KIAA1671: variants seen among roughly 807,000 people sequenced by gnomAD.
KIAA1671 encodes the protein KIAA1671.
A neutral mutation model predicts 131.2 loss-of-function variants in KIAA1671; 52 were observed. That is an observed-to-expected ratio of 0.40 (90% CI 0.32 to 0.50). The LOEUF (loss-of-function observed/expected upper bound fraction) is 0.50, where lower values mean the gene tolerates loss of function less well. Ranked by LOEUF, KIAA1671 falls within the 20% of genes least tolerant of loss-of-function variation. KIAA1671 has a pLI of 0.73. For synonymous variants in KIAA1671, 1,003 were observed against 961.6 expected (o/e 1.04, Z -0.80); for missense variants, 2,360 against 2,364.2 (o/e 1.00, Z 0.04).
chr22:25,045,741 C>T (rs1358684372), intron 5 of KIAA1671, among the ~76,000 whole-genome samples: 2 of 152,010 alleles, frequency 1.3e-5, no homozygotes, highest in Non-Finnish European at 2.9e-5. Flanking sequence ...AGGTGCACAC[C>T]ACCATTCCTG....
chr22:24,977,810 T>G (rs937541394), intron 1 of KIAA1671, among the ~76,000 whole-genome samples: 1 of 152,188 alleles, frequency 6.6e-6, no homozygotes, highest in Admixed American at 6.5e-5. Flanking sequence ...GTCCTCACAG[T>G]TTAATTTCTC....
rs1254688272 is a variant in KIAA1671, at chr22:25,165,017, G to GTGTGTGTC, written c.4531-5798_4531-5797insGTCTGTGT. 1.0e-3 allele frequency among the ~76,000 whole-genome samples: 148 copies of GTGTGTGTC among 147,050 alleles called. 1 individual carries two copies. The East Asian group carries it at 0.022, about 22-fold the overall frequency. ...TGTGTGTGTGTGTGTGTGTGTGTGTGTGTGTCTGTGGTTGATTTTGAGGCC... is the reference window on the plus strand; with the variant it reads ...TGTGTGTGTGTGTGTGTGTGTGTGTGTGTGTGTCTGTGTCTGTGGTTGATTTTGAGGCC... On this transcript the variant is annotated intron_variant, in intron 6 of 12. Coordinates refer to ENST00000358431, the MANE Select transcript of KIAA1671 (RefSeq NM_001145206.2).
Position 25,029,221 on chromosome 22 carries a change from G to A in KIAA1671, c.1222G>A (p.Gly408Arg). Residue 408 changes from glycine (G) to arginine (R), a missense_variant, in exon 3 of 13, where the codon GGA becomes AGA. By Grantham distance (125) the Gly-to-Arg change is moderately radical. This residue lies in a region of KIAA1671 where 1,185 missense variants were observed against 1,126.2 expected (regional missense o/e 1.05). Coordinates refer to ENST00000358431, the MANE Select transcript of KIAA1671 (RefSeq NM_001145206.2). ...KAAESPSPRL[G>R]RGLELAEVKS... ...TGCTGAGTCCCCCTCACCCAGGCTG[G>A]GAAGGGGCCTAGAACTTGCTGAGGT... 1 of 1,462,040 alleles carries A rather than the reference G, an allele frequency of 6.8e-7. No homozygotes were observed. Among genetic ancestry groups the A allele is most frequent in the Non-Finnish European group, 9.1e-7 (1 of 1,103,378 alleles). The allele number at this position is 1,462,040 out of a possible 1,614,324, so 90.6% of individuals were successfully genotyped here.
rs922382667 is a variant in KIAA1671, at chr22:25,028,155, C to A, written c.156C>A (p.Ser52Arg). Residue 52 changes from serine (S) to arginine (R), a missense_variant, in exon 3 of 13, where the codon AGC (serine) becomes AGA (arginine). Physicochemically the swap from Ser to Arg is moderately radical, Grantham distance 110. Transcript: ENST00000358431. ...CAGCCCGGATCTTGGAAGCGAAGAG[C>A]CCCCTGCGGAGCCCGGCCCGGTTAC... ...APPARILEAK[S>R]PLRSPARLLP... The A allele has an allele frequency of 6.4e-7, 1 of 1,550,556 alleles. No individual in the cohort carries two copies. The highest frequency in any genetic ancestry group is 8.7e-7 in the Non-Finnish European group (1 of 1,146,504).
intron 1 of KIAA1671, among the ~76,000 whole-genome samples, chr22:24,956,662 C>G (rs1387143058): frequency 6.6e-6 from 1 of 151,612 alleles, no homozygotes; most frequent in African/African-American, 2.4e-5. Context: ...ATCAGGAGAT[C>G]GAGACCATCC....
chr22:25,028,016 A>G lies in KIAA1671; in HGVS notation c.17A>G (p.Glu6Gly). ...ACCATAACCATGGCCACGCGGGTCG[A>G]GGTGGGCTCCATAACGCCCTTGACG... Reference protein sequence around the residue: MATRVEVGSITPLTAV... With the variant: MATRVGVGSITPLTAV... Residue 6 changes from glutamate to glycine, a missense_variant, in exon 3 of 13, where the codon GAG becomes GGG. Physicochemically the swap from Glu to Gly is moderately conservative, Grantham distance 98. This residue lies in a region of KIAA1671 where 1,185 missense variants were observed against 1,126.2 expected (regional missense o/e 1.05). Coordinates refer to ENST00000358431, the MANE Select transcript of KIAA1671 (RefSeq NM_001145206.2). The G allele has an allele frequency of 6.7e-7, 1 of 1,500,092 alleles. No homozygotes were observed. Among genetic ancestry groups the G allele is most frequent in the Admixed American group, 2.4e-5 (1 of 41,938 alleles). The allele number at this position is 1,500,092 out of a possible 1,614,324, so 92.9% of individuals were successfully genotyped here.
chr22:25,147,637 C>T (rs528844128), intron 6 of KIAA1671, among the ~76,000 whole-genome samples: 5 of 152,288 alleles, frequency 3.3e-5, no homozygotes, highest in African/African-American at 1.2e-4. Flanking sequence ...AGGGACTTCC[C>T]CTGACAGCCA....
chr22:25,113,775 A>T (rs144089217), intron 6 of KIAA1671, among the ~76,000 whole-genome samples: 2 of 152,224 alleles, frequency 1.3e-5, no homozygotes, highest in Non-Finnish European at 2.9e-5. Flanking sequence ...GCTTGGATTT[A>T]TGAGACAGAT....
intron 6 of KIAA1671, among the ~76,000 whole-genome samples, chr22:25,097,707 T>A (rs1200988066): frequency 6.7e-6 from 1 of 150,122 alleles, no homozygotes; most frequent in Non-Finnish European, 1.5e-5. Flanking sequence ...GCCATTGCAC[T>A]CCAGCCTGGG....
Position 25,193,127 on chromosome 22 carries a change from T to C in KIAA1671, c.*726T>C, listed in dbSNP as rs1421033755. ...TTTTCTTTGAAACTTGATAGGTATATATGTGTTTACGTTAAAGGACAGGAG... is the reference window on the plus strand; with the variant it reads ...TTTTCTTTGAAACTTGATAGGTATACATGTGTTTACGTTAAAGGACAGGAG... On this transcript the variant is annotated 3_prime_UTR_variant, in exon 13 of 13. Coordinates refer to ENST00000358431, the MANE Select transcript of KIAA1671 (RefSeq NM_001145206.2). 2.0e-5 allele frequency: 3 copies of C among 152,236 alleles called. No homozygotes were observed. Among genetic ancestry groups the C allele is most frequent in the Non-Finnish European group, 2.9e-5 (2 of 68,050 alleles). 9.4% of individuals were successfully genotyped at this position (152,236 alleles called of 1,614,324 possible). A position where few individuals can be genotyped will look rare whatever the true frequency, so the allele number is the denominator to read the frequency against.
intron 11 of KIAA1671, among the ~76,000 whole-genome samples, chr22:25,188,137 A>G (rs971962809): frequency 5.9e-5 from 9 of 152,132 alleles, no homozygotes; most frequent in South Asian, 2.1e-4. Context: ...CATCTCTACT[A>G]AAAATACAAA....
At chr22:25,044,142 G>T (rs1032740921) in intron 5 of KIAA1671, among the ~76,000 whole-genome samples, 1 of 152,334 alleles carries the variant, frequency 6.6e-6, no homozygotes, top group East Asian at 1.9e-4. Flanking sequence ...CGCAGACTTG[G>T]CATCTGAATC....
chr22:25,020,483 C>T (rs1925605563), intron 1 of KIAA1671, among the ~76,000 whole-genome samples: 1 of 152,138 alleles, frequency 6.6e-6, no homozygotes, highest in African/African-American at 2.4e-5. Flanking sequence ...TTTTTGCACA[C>T]CGACTTTATG....
At chr22:25,043,472 T>C (rs1927057402) in intron 5 of KIAA1671, among the ~76,000 whole-genome samples, 1 of 152,220 alleles carries the variant, frequency 6.6e-6, no homozygotes, top group Non-Finnish European at 1.5e-5. Context: ...AACCCAAATC[T>C]GGCCTTAATT....
intron 6 of KIAA1671, chr22:25,062,552 T>C (rs1014715125): frequency 1.3e-5 from 2 of 152,362 alleles, no homozygotes; most frequent in Admixed American, 1.3e-4. Flanking sequence ...AGTGGGCTCA[T>C]GCAGCATGGC....
rs1299627226 is a variant in KIAA1671, at chr22:25,174,474, C to G, written c.4884C>G (p.Asp1628Glu). 1 of 1,523,696 alleles carries G rather than the reference C, an allele frequency of 6.6e-7. No homozygotes were observed. Among genetic ancestry groups the G allele is most frequent in the Non-Finnish European group, 8.8e-7 (1 of 1,130,744 alleles). The allele number at this position is 1,523,696 out of a possible 1,614,324, so 94.4% of individuals were successfully genotyped here. The change falls in exon 8 of 13, where the codon GAC (aspartate) becomes GAG (glutamate). Residue 1628 changes from aspartate (D) to glutamate (E), a missense_variant. Around this residue, in one of 3 missense-constraint regions of KIAA1671, gnomAD observed 1,161 missense variants for 1,204.7 expected, o/e 0.96. Transcript: ENST00000358431. ...CCTGCCCTGAAAAGAGAGTAGATGA[C>G]TTCTCCTTCATTGATGTAAGTCAGT... Reference protein sequence around the residue: ...PDACPEKRVDDFSFIDQTSVL... With the variant: ...PDACPEKRVDEFSFIDQTSVL...
At chr22:25,054,525 T>C (rs1927737268) in intron 6 of KIAA1671, 1 of 149,310 alleles carries the variant, frequency 6.7e-6, no homozygotes, top group Non-Finnish European at 1.5e-5. Context: ...TGCCAGTTTA[T>C]TACAAAAGAT....
intron 6 of KIAA1671, among the ~76,000 whole-genome samples, chr22:25,129,489 A>G (rs1932334921): frequency 2.0e-5 from 3 of 150,592 alleles, no homozygotes; most frequent in African/African-American, 7.4e-5. Flanking sequence ...CCTGGGCAAC[A>G]AGAGCAAGAC....
chr22:25,184,892 G>A lies in KIAA1671; in HGVS notation c.5200-85G>A, dbSNP rs1041642520. ...AGGGGGCCCCGAGTGTTTGCAGAAG[G>A]CTCATTGTACCTGACATTTGCATGG... On this transcript the variant is annotated intron_variant, in intron 10 of 12. Transcript: ENST00000358431. 1.0e-5 allele frequency: 15 copies of A among 1,496,796 alleles called. No individual in the cohort carries two copies. In the African/African-American group the frequency reaches 1.4e-4, roughly 14 times the overall value. The allele number at this position is 1,496,796 out of a possible 1,614,324, so 92.7% of individuals were successfully genotyped here.
Sources: allele counts gnomAD v4.1 joint callset (sites outside exome capture counted in the v4.1 genomes callset), GRCh38; gene constraint gnomAD v4.1.1; regional missense constraint gnomAD v4.1.1; transcripts MANE v1.5; gene names NCBI Gene and HGNC (gene_info 2026-07-23, HGNC 2026-07-21).